Variants in ROCK1 observed in about 807,000 individuals in gnomAD.
ROCK1 encodes Rho associated coiled-coil containing protein kinase 1.
ROCK1 carries 36 observed loss-of-function variants against 196.8 expected under a neutral mutation model. That is an observed-to-expected ratio of 0.18 (90% CI 0.14 to 0.24). ROCK1 has a LOEUF of 0.24. Among genes scored for constraint, ROCK1 ranks in the 10% least tolerant of loss-of-function variants. The probability of loss-of-function intolerance (pLI) is 1.00; values close to 1 mark genes in which losing one functional copy is unlikely to be tolerated. For missense variants in ROCK1, 920 were observed against 1,562.0 expected, an observed-to-expected ratio of 0.59 and a Z score of 6.93; for synonymous variants, 443 against 515.9, an observed-to-expected ratio of 0.86 and a Z score of 1.91.
At chr18:20,964,048 A>C (rs532930291) in intron 27 of ROCK1, among the ~76,000 whole-genome samples, 3 of 152,300 alleles carry the variant, frequency 2.0e-5, no homozygotes, top group African/African-American at 7.2e-5. Context: ...GTGCAAGATA[A>C]TTAAATTATA....
chr18:21,057,292 G>C (rs766744491), intron 2 of ROCK1, among the ~76,000 whole-genome samples: 5 of 152,128 alleles, frequency 3.3e-5, no homozygotes, highest in Non-Finnish European at 7.4e-5. Flanking sequence ...GAAATAAAAT[G>C]AGCAAATTGA....
At chr18:21,033,302 C>A (rs2036026355) in intron 9 of ROCK1, among the ~76,000 whole-genome samples, 1 of 152,124 alleles carries the variant, frequency 6.6e-6, no homozygotes, top group Non-Finnish European at 1.5e-5. Flanking sequence ...ATTGAAAACA[C>A]CTGGCCAACA....
rs1568390358 is a variant in ROCK1, at chr18:21,036,167, C to T, written c.1051+3305G>A. ...TAAAAGAGCCCTGAAACTTGCTAGGCCTTCAGTTCTTTATTCACAAAGCCC... is the reference window on the plus strand; with the variant it reads ...TAAAAGAGCCCTGAAACTTGCTAGGTCTTCAGTTCTTTATTCACAAAGCCC... On this transcript the variant is annotated intron_variant, in intron 9 of 32. Transcript: ENST00000399799. Among the ~76,000 whole-genome samples, 4 of 152,268 alleles carry T rather than the reference C, an allele frequency of 2.6e-5. 1 individual carries two copies. Among genetic ancestry groups the T allele is most frequent in the South Asian group, 4.2e-4 (2 of 4,818 alleles).
intron 16 of ROCK1, among the ~76,000 whole-genome samples, chr18:21,005,260 T>G (rs533767478): frequency 2.6e-5 from 4 of 152,360 alleles, no homozygotes; most frequent in African/African-American, 9.6e-5. Context: ...GCCTCTTAGA[T>G]TCACAAAGAC....
rs1426065333 is a variant in ROCK1 at position 20,984,495 on chromosome 18, T to C, written c.2345A>G (p.Lys782Arg). ...LTLQLEQESN[K>R]RLLLQNELKT... ...CAATTCATTTTGTAACAACAGCCGC[T>C]TATTTGATTCCTGCTCCAGTTGCAG... is the stretch of plus-strand genomic sequence containing the variant. Residue 782 changes from lysine (K) to arginine (R), a missense_variant, in exon 20 of 33, where the codon AAG (lysine) becomes AGG (arginine). By Grantham distance (26) the Lys-to-Arg change is conservative. Around this residue, in one of 6 missense-constraint regions of ROCK1, gnomAD observed 520 missense variants for 657.1 expected, o/e 0.79. Transcript: ENST00000399799. 6.2e-7 allele frequency: 1 copy of C among 1,613,194 alleles called. No individual in the cohort carries two copies. The highest frequency in any genetic ancestry group is 8.5e-7 in the Non-Finnish European group (1 of 1,179,794).
chr18:21,100,456 A>ATT (rs1461888992), intron 1 of ROCK1, among the ~76,000 whole-genome samples: 3 of 151,984 alleles, frequency 2.0e-5, no homozygotes, highest in Non-Finnish European at 4.4e-5. Flanking sequence ...TACAAATAAC[A>ATT]TGAGAATCAA....
intron 18 of ROCK1, 72 bp from the exon 19 acceptor site, chr18:20,987,182 T>C (rs2035585684): frequency 5.1e-6 from 7 of 1,373,936 alleles, no homozygotes; most frequent in African/African-American, 1.5e-5. Context: ...TTATATGGGC[T>C]GTAAACTGGT....
At chr18:21,093,664 A>T (rs1209117763) in intron 1 of ROCK1, among the ~76,000 whole-genome samples, 1 of 152,116 alleles carries the variant, frequency 6.6e-6, no homozygotes. Flanking sequence ...ACAATTAATT[A>T]GTCAAGGAGC....
intron 22 of ROCK1, among the ~76,000 whole-genome samples, chr18:20,974,020 T>G (rs1283742806): frequency 6.6e-6 from 1 of 152,156 alleles, no homozygotes; most frequent in Non-Finnish European, 1.5e-5. Flanking sequence ...TCCCCCCGCC[T>G]CAGCCTCCCA....
intron 13 of ROCK1, among the ~76,000 whole-genome samples, chr18:21,011,716 A>T (rs2035818868): frequency 6.6e-6 from 1 of 152,204 alleles, no homozygotes; most frequent in Admixed American, 6.5e-5. Context: ...TTGGCCTCCC[A>T]AAGTGCTGGG....
intron 21 of ROCK1, among the ~76,000 whole-genome samples, chr18:20,980,732 C>G (rs1452460868): frequency 6.6e-6 from 1 of 150,982 alleles, no homozygotes; most frequent in South Asian, 2.1e-4. Context: ...CTGGCTAACA[C>G]AGTGAAACCT....
At chr18:21,005,002 G>C (rs2035756659) in intron 16 of ROCK1, among the ~76,000 whole-genome samples, 1 of 152,032 alleles carries the variant, frequency 6.6e-6, no homozygotes. Flanking sequence ...AGCCCCAAGG[G>C]ACCTGAAACT....
chr18:21,105,386 T>C (rs547077890), intron 1 of ROCK1, among the ~76,000 whole-genome samples: 4 of 152,298 alleles, frequency 2.6e-5, no homozygotes, highest in South Asian at 2.1e-4. Flanking sequence ...AGATATGCAA[T>C]TGATACTAAT....
At chr18:21,017,401 C>CA (rs1426946870) in intron 12 of ROCK1, among the ~76,000 whole-genome samples, 2 of 151,480 alleles carry the variant, frequency 1.3e-5, no homozygotes, top group African/African-American at 4.8e-5. Context: ...CCTTGTGAGC[C>CA]AGGATGTCTT....
intron 31 of ROCK1, among the ~76,000 whole-genome samples, 179 bp from the exon 32 acceptor site, chr18:20,953,964 TAGTC>T (rs1008281038): frequency 1.3e-5 from 2 of 151,852 alleles, no homozygotes; most frequent in African/African-American, 2.4e-5. Flanking sequence ...AAAAAAAAAT[TAGTC>T]AAACTAATAA....
At chr18:21,063,069 G>C (rs2036305383) in intron 2 of ROCK1, among the ~76,000 whole-genome samples, 1 of 152,128 alleles carries the variant, frequency 6.6e-6, no homozygotes, top group African/African-American at 2.4e-5. Flanking sequence ...CATCTGGCAA[G>C]GGTCATTCAA....
chr18:20,986,819 G>T, intron 19 of ROCK1, 131 bp downstream of exon 19: 2 of 797,388 alleles, frequency 2.5e-6, no homozygotes, highest in Non-Finnish European at 3.8e-6. Flanking sequence ...ATACAGCAGT[G>T]AACACAGACC....
At chr18:21,083,963 G>A (rs1314411946) in intron 1 of ROCK1, among the ~76,000 whole-genome samples, 2 of 152,054 alleles carry the variant, frequency 1.3e-5, no homozygotes, top group African/African-American at 4.8e-5. Context: ...GGGGAAAAGG[G>A]GCACAAACCC....
intron 11 of ROCK1, among the ~76,000 whole-genome samples, chr18:21,020,627 A>AACTC (rs2035905940): frequency 6.6e-6 from 1 of 152,240 alleles, no homozygotes; most frequent in African/African-American, 2.4e-5. Context: ...GGTCACTTCT[A>AACTC]ACTCTGCCAA....
Sources: gnomAD v4.1 joint callset for allele counts (sites outside exome capture counted in the v4.1 genomes callset) on GRCh38, gnomAD v4.1.1 for gene constraint, gnomAD v4.1.1 regional missense constraint, MANE v1.5 for transcripts, NCBI Gene and HGNC (gene_info 2026-07-23, HGNC 2026-07-21) for gene names.